The following CSGALNACT1 variants were observed in gnomAD, a reference collection of about 807,000 sequenced individuals.
CSGALNACT1 encodes chondroitin sulfate N-acetylgalactosaminyltransferase 1, also known as beta4GalNAcT-1.
Under a neutral mutation model 51.0 loss-of-function variants are expected in CSGALNACT1, and 52 were observed. That is an observed-to-expected ratio of 1.02 (90% CI 0.82 to 1.29). The LOEUF (loss-of-function observed/expected upper bound fraction) is 1.29, where lower values mean the gene tolerates loss of function less well. CSGALNACT1 is among the 50% of genes most tolerant of loss of function. CSGALNACT1 has a pLI of 0.00. For synonymous variants in CSGALNACT1, 341 were observed against 254.4 expected (o/e 1.34, Z -3.24); for missense variants, 935 against 679.2 (o/e 1.38, Z -4.19).
At chr8:19,479,936 A>G (rs2070893112) in intron 4 of CSGALNACT1, among the ~76,000 whole-genome samples, 1 of 152,196 alleles carries the variant, frequency 6.6e-6, no homozygotes, top group African/African-American at 2.4e-5. Flanking sequence ...CCCAAGTGTG[A>G]TATAAATATT....
chr8:19,444,429 G>C (rs1223159394), intron 5 of CSGALNACT1, among the ~76,000 whole-genome samples: 1 of 152,158 alleles, frequency 6.6e-6, no homozygotes, highest in Non-Finnish European at 1.5e-5. Context: ...GATACAGTGG[G>C]CCAACTGCAT....
At chr8:19,618,647 A>T in intron 1 of CSGALNACT1, among the ~76,000 whole-genome samples, 1 of 141,594 alleles carries the variant, frequency 7.1e-6, no homozygotes, top group Non-Finnish European at 1.5e-5. Flanking sequence ...AAAAAAAAAA[A>T]AAAAAAAAAG....
chr8:19,644,865 T>C (rs1484748703), intron 1 of CSGALNACT1, among the ~76,000 whole-genome samples: 2 of 152,148 alleles, frequency 1.3e-5, no homozygotes, highest in African/African-American at 4.8e-5. Flanking sequence ...TTCTAAATAT[T>C]TTATGAAACT....
intron 3 of CSGALNACT1, among the ~76,000 whole-genome samples, chr8:19,516,836 T>C (rs1193002782): frequency 6.6e-6 from 1 of 152,150 alleles, no homozygotes; most frequent in Admixed American, 6.5e-5. Context: ...AGTGGCTGCT[T>C]TCTGGGGATC....
intron 4 of CSGALNACT1, 123 bp downstream of exon 3, chr8:19,505,078 A>C: frequency 1.9e-6 from 2 of 1,049,208 alleles, no homozygotes; most frequent in Non-Finnish European, 3.0e-6. Flanking sequence ...TGTCACACAC[A>C]TAAAACTTTC....
At chr8:19,443,770 G>C (rs1238960095) in intron 5 of CSGALNACT1, among the ~76,000 whole-genome samples, 1 of 152,124 alleles carries the variant, frequency 6.6e-6, no homozygotes, top group Admixed American at 6.5e-5. Context: ...ACTGATTCCA[G>C]AAACCCCCTG....
chr8:19,736,118 A>G (rs1264042290), intron 1 of CSGALNACT1, among the ~76,000 whole-genome samples: 1 of 152,230 alleles, frequency 6.6e-6, no homozygotes, highest in African/African-American at 2.4e-5. Context: ...TACAACAGCC[A>G]TCTCTTCTTG....
At chr8:19,728,546 T>C (rs2063524915) in intron 1 of CSGALNACT1, among the ~76,000 whole-genome samples, 3 of 146,670 alleles carry the variant, frequency 2.0e-5, no homozygotes, top group East Asian at 2.1e-4. Flanking sequence ...GTCAGACTTA[T>C]AATCCTATTT....
intron 1 of CSGALNACT1, among the ~76,000 whole-genome samples, chr8:19,716,037 CTTATTCTGA>C (rs1304719583): frequency 6.6e-6 from 1 of 152,166 alleles, no homozygotes; most frequent in African/African-American, 2.4e-5. Context: ...AGGTTGTTCT[CTTATTCTGA>C]TTAAGCCTCA....
chr8:19,540,052 A>C (rs551221773), intron 3 of CSGALNACT1, among the ~76,000 whole-genome samples: 2 of 152,330 alleles, frequency 1.3e-5, no homozygotes, highest in African/African-American at 4.8e-5. Flanking sequence ...GAGCCACAAA[A>C]GACTAAAGAT....
chr8:19,679,679 A>T, intron 1 of CSGALNACT1, among the ~76,000 whole-genome samples: 2 of 152,020 alleles, frequency 1.3e-5, no homozygotes, highest in East Asian at 3.9e-4. Context: ...CTGTGACTCA[A>T]GACAGTCATG....
At chr8:19,441,586 T>G (rs532646481) in intron 5 of CSGALNACT1, among the ~76,000 whole-genome samples, 1 of 152,352 alleles carries the variant, frequency 6.6e-6, no homozygotes, top group Non-Finnish European at 1.5e-5. Flanking sequence ...GATTAAAGAC[T>G]TACATGTTAG....
rs562466500 is a variant in CSGALNACT1 at position 19,543,710 on chromosome 8, T to C, written c.-296-37580A>G. ...AGTGCACAGGAAGCTATACATGGAT[T>C]CCTCCAGACTACACTCATCTCTTTT... On this transcript the variant is annotated intron_variant, in intron 3 of 9. Coordinates refer to ENST00000454498, the Ensembl canonical transcript of CSGALNACT1. Among the ~76,000 whole-genome samples, 118 of 152,274 alleles carry C rather than the reference T, an allele frequency of 7.7e-4. 1 individual carries two copies. Among genetic ancestry groups the C allele is most frequent in the African/African-American group, 2.8e-3 (115 of 41,560 alleles).
intron 3 of CSGALNACT1, 33 bp from the exon 3 acceptor site, chr8:19,506,163 A>C: frequency 1.9e-6 from 1 of 539,148 alleles, no homozygotes; most frequent in Non-Finnish European, 3.5e-6. Flanking sequence ...TCAACACTTA[A>C]TCAAGACAAC....
chr8:19,428,822 G>A (rs906043874), intron 6 of CSGALNACT1, among the ~76,000 whole-genome samples: 13 of 59,966 alleles, frequency 2.2e-4, no homozygotes, highest in African/African-American at 6.1e-4. Context: ...CATAAGACAT[G>A]ATATGTGTGT....
chr8:19,461,051 C>G (rs2065247724), intron 4 of CSGALNACT1, among the ~76,000 whole-genome samples: 1 of 152,166 alleles, frequency 6.6e-6, no homozygotes, highest in South Asian at 2.1e-4. Flanking sequence ...ATTACAAGGA[C>G]TAAGTTCCCT....
chr8:19,579,592 C>G (rs539139308), intron 3 of CSGALNACT1, among the ~76,000 whole-genome samples: 1 of 152,252 alleles, frequency 6.6e-6, no homozygotes, highest in Non-Finnish European at 1.5e-5. Flanking sequence ...TTGTCTCTAC[C>G]ATACTATAAG....
At chr8:19,517,441 A>C (rs1038393935) in intron 3 of CSGALNACT1, among the ~76,000 whole-genome samples, 3 of 152,022 alleles carry the variant, frequency 2.0e-5, no homozygotes, top group African/African-American at 7.2e-5. Context: ...ACTCCATCTC[A>C]AAAAAAAGAA....
chr8:19,658,996 G>GT lies in CSGALNACT1; in HGVS notation c.-544+23476dup, dbSNP rs201533046. 4.6e-3 allele frequency among the ~76,000 whole-genome samples: 692 copies of GT among 151,990 alleles called. 6 individuals are homozygous for GT. The highest frequency in any genetic ancestry group is 0.016 in the African/African-American group (659 of 41,428). On this transcript the variant is annotated intron_variant, in intron 1 of 9. Transcript: ENST00000332246. ...GCTGTGAATAACCAGCTTCATAAAT[G>GT]TTTTTTTTCCCAGTCATCTAAGTAA...
Sources: allele counts gnomAD v4.1 joint callset (sites outside exome capture counted in the v4.1 genomes callset), GRCh38; gene constraint gnomAD v4.1.1; transcripts MANE v1.5; gene names NCBI Gene and HGNC (gene_info 2026-07-23, HGNC 2026-07-21).